Variants in UGGT1 observed in about 807,000 individuals in gnomAD.
The protein encoded by UGGT1 is UDP-glucose glycoprotein glucosyltransferase 1.
Under a neutral mutation model 203.9 loss-of-function variants are expected in UGGT1, and 107 were observed. That is an observed-to-expected ratio of 0.52 (90% confidence interval 0.45 to 0.62). UGGT1 has a LOEUF of 0.62. UGGT1 is among the 20% of genes least tolerant of loss of function. The probability of loss-of-function intolerance (pLI) is 0.00; values close to 1 mark genes in which losing one functional copy is unlikely to be tolerated. For missense variants in UGGT1, 1,673 were observed against 1,867.2 expected, an observed-to-expected ratio of 0.90 and a Z score of 1.92; for synonymous variants, 628 against 653.5, an observed-to-expected ratio of 0.96 and a Z score of 0.59.
chr2:128,133,086 G>A (rs1313901573), intron 13 of UGGT1, 55 bp from the exon 14 acceptor site: 2 of 1,590,262 alleles, frequency 1.3e-6, no homozygotes, highest in Non-Finnish European at 1.7e-6. Flanking sequence ...TATTATTGCA[G>A]GTTTTACTAA....
intron 26 of UGGT1, among the ~76,000 whole-genome samples, chr2:128,168,080 G>A (rs1690884818): frequency 6.6e-6 from 1 of 152,178 alleles, no homozygotes; most frequent in South Asian, 2.1e-4. Context: ...GCAGAGAGGT[G>A]CAAATTATAT....
In UGGT1 at chr2:128,133,279, C is replaced by T. The variant is rs552857132; in HGVS notation, c.1497+19C>T. On this transcript the variant is annotated intron_variant, in intron 14 of 40. Transcript: ENST00000259253. ...TAATATGGTAAGTAAAACTTATTGT[C>T]TGGCTGTGAACTCTGTTTCTCCCTT... 5.0e-6 allele frequency: 8 copies of T among 1,602,940 alleles called. 1 individual carries two copies. In the East Asian group the frequency reaches 1.4e-4, roughly 27 times the overall value.
At chr2:128,116,553 G>T (rs147819566) in intron 8 of UGGT1, among the ~76,000 whole-genome samples, 102 of 152,026 alleles carry the variant, frequency 6.7e-4, no homozygotes, top group African/African-American at 2.4e-3. Flanking sequence ...TGGAGACAGG[G>T]TCTCGCTGTG....
chr2:128,120,692 A>G (rs890405778), intron 9 of UGGT1, among the ~76,000 whole-genome samples: 3 of 152,202 alleles, frequency 2.0e-5, no homozygotes, highest in Non-Finnish European at 2.9e-5. Context: ...CTGTGTGACC[A>G]TACATAAACT....
At chr2:128,121,354 A>G in intron 10 of UGGT1, 56 bp downstream of exon 10, 1 of 1,281,568 alleles carries the variant, frequency 7.8e-7, no homozygotes, top group Non-Finnish European at 1.1e-6. Context: ...CGTCATGTTC[A>G]CTTGCCAAAT....
At chr2:128,131,093 C>T (rs539777006) in intron 13 of UGGT1, among the ~76,000 whole-genome samples, 12 of 151,746 alleles carry the variant, frequency 7.9e-5, no homozygotes, top group African/African-American at 1.2e-4. Flanking sequence ...ATTAGCTGGG[C>T]GTGGTGGTAC....
chr2:128,155,645 A>G, intron 20 of UGGT1, 58 bp downstream of exon 20: 1 of 1,324,882 alleles, frequency 7.5e-7, no homozygotes, highest in Non-Finnish European at 1.1e-6. Flanking sequence ...GTATTTGCAT[A>G]TTCATCTTAA....
chr2:128,143,325 TG>T, intron 17 of UGGT1, 100 bp downstream of exon 17: 1 of 1,337,216 alleles, frequency 7.5e-7, no homozygotes. Flanking sequence ...GTGGTTAAAG[TG>T]TTTCAGTACT....
intron 22 of UGGT1, among the ~76,000 whole-genome samples, chr2:128,158,573 A>C (rs1690363367): frequency 1.3e-5 from 2 of 152,242 alleles, no homozygotes; most frequent in African/African-American, 4.8e-5. Flanking sequence ...GTATTATATC[A>C]TATGGCTGTA....
Position 128,173,779 on chromosome 2 carries a change from A to G in UGGT1, c.3295-2A>G. On this transcript the variant is annotated splice_acceptor_variant, in intron 29 of 40. Coordinates refer to ENST00000259253, the MANE Select transcript of UGGT1 (RefSeq NM_020120.4). LOFTEE classifies it high-confidence loss of function. ...TTCAAGTGATTGGATTTTGGCTTGC[A>G]GGTGGACAGTGTAGTGGCTGCTGAG... is the stretch of plus-strand genomic sequence containing the variant. 1 of 1,613,598 alleles carries G rather than the reference A, an allele frequency of 6.2e-7. No homozygotes were observed. The highest frequency in any genetic ancestry group is 8.5e-7 in the Non-Finnish European group (1 of 1,179,738).
chr2:128,176,845 G>T lies in UGGT1; in HGVS notation c.3571G>T (p.Asp1191Tyr). The change falls in exon 32 of 41, where the codon GAT becomes TAT. Residue 1191 changes from aspartate (D) to tyrosine (Y), a missense_variant. Coordinates refer to ENST00000259253, the MANE Select transcript of UGGT1 (RefSeq NM_020120.4). ...TGGCACTGATTCTCCCCCTGATGCT[G>T]ATGAGGTGGTTATCGTCCTCAACAA... ...HDGTDSPPDA[D>Y]EVVIVLNNFK... is the part of the protein sequence containing the mutation. 6.2e-7 allele frequency: 1 copy of T among 1,614,136 alleles called. No homozygotes were observed. The highest frequency in any genetic ancestry group is 2.2e-5 in the East Asian group (1 of 44,884).
chr2:128,097,659 T>C (rs1265818546), intron 2 of UGGT1, 95 bp downstream of exon 2: 7 of 1,463,398 alleles, frequency 4.8e-6, no homozygotes, highest in Non-Finnish European at 6.5e-6. Context: ...GAGATTATCA[T>C]CAAATGCATT....
chr2:128,120,392 A>C lies in UGGT1; in HGVS notation c.909A>C (p.Glu303Asp). ...LHPDLEGQLK[E>D]LRKHLVESTN... ...CCGACCTGGAGGGACAGTTGAAAGA[A>C]CTCAGAAAGCATCTTGTAGAGAGCA... The change falls in exon 9 of 41, where the codon GAA (glutamate) becomes GAC (aspartate). Residue 303 changes from glutamate (E) to aspartate (D), a missense_variant. Coordinates refer to ENST00000259253, the MANE Select transcript of UGGT1 (RefSeq NM_020120.4). 1 of 1,614,012 alleles carries C rather than the reference A, an allele frequency of 6.2e-7. No homozygotes were observed. Among genetic ancestry groups the C allele is most frequent in the Non-Finnish European group, 8.5e-7 (1 of 1,179,982 alleles).
intron 16 of UGGT1, among the ~76,000 whole-genome samples, chr2:128,142,856 G>A (rs965621854): frequency 6.6e-6 from 1 of 151,416 alleles, no homozygotes. Flanking sequence ...GGTGGCAGGT[G>A]TCTAATCCCA....
At chr2:128,161,559 T>G (rs1201622889) in intron 25 of UGGT1, among the ~76,000 whole-genome samples, 3 of 152,218 alleles carry the variant, frequency 2.0e-5, no homozygotes, top group Non-Finnish European at 4.4e-5. Context: ...GCTAGTTTAT[T>G]TATTACCTGG....
At chr2:128,128,801 TATAAG>T (rs1226700927) in intron 12 of UGGT1, among the ~76,000 whole-genome samples, 1 of 152,258 alleles carries the variant, frequency 6.6e-6, no homozygotes, top group Admixed American at 6.5e-5. Flanking sequence ...CATATGCAGT[TATAAG>T]AAAGAATACA....
At chr2:128,156,904 A>T (rs1342388703) in intron 21 of UGGT1, among the ~76,000 whole-genome samples, 1 of 152,180 alleles carries the variant, frequency 6.6e-6, no homozygotes, top group Non-Finnish European at 1.5e-5. Context: ...ATTTGTAAAG[A>T]ATTAGTTTCA....
intron 19 of UGGT1, among the ~76,000 whole-genome samples, chr2:128,153,647 G>C (rs781198166): frequency 1.4e-4 from 22 of 152,152 alleles, no homozygotes; most frequent in Non-Finnish European, 2.5e-4. Context: ...TATTGTTAAG[G>C]CTTATGCATG....
intron 39 of UGGT1, 104 bp from the exon 40 acceptor site, chr2:128,187,345 A>G (rs933318865): frequency 7.8e-7 from 1 of 1,287,592 alleles, no homozygotes; most frequent in Non-Finnish European, 1.1e-6. Flanking sequence ...GTTCCTTACT[A>G]TTGTTTTCTT....
Sources: allele counts gnomAD v4.1 joint callset (sites outside exome capture counted in the v4.1 genomes callset), GRCh38; gene constraint gnomAD v4.1.1; transcripts MANE v1.5; gene names NCBI Gene and HGNC (gene_info 2026-07-23, HGNC 2026-07-21).